Variants in CEP43 observed in about 807,000 individuals in gnomAD.
The protein encoded by CEP43 is centrosomal protein 43, also known as FGFR1 oncogene partner.
Under a neutral mutation model 52.6 loss-of-function variants are expected in CEP43, and 36 were observed. The ratio of observed to expected loss-of-function variants is 0.68; its 90% CI spans 0.52 to 0.90. The LOEUF (loss-of-function observed/expected upper bound fraction) is 0.90, where lower values mean the gene tolerates loss of function less well. Among genes scored for constraint, CEP43 ranks in the 40% least tolerant of loss-of-function variants. The pLI, the probability that CEP43 is intolerant of heterozygous loss-of-function variation, is 0.00. For missense variants in CEP43, 506 were observed against 472.8 expected (o/e 1.07, Z -0.65); for synonymous variants, 192 against 172.4 (o/e 1.11, Z -0.89).
intron 12 of CEP43, among the ~76,000 whole-genome samples, chr6:167,037,111 G>C (rs1442858397): frequency 1.3e-5 from 2 of 152,130 alleles, no homozygotes; most frequent in Non-Finnish European, 2.9e-5. Context: ...CGGCGGAAAG[G>C]CTTTATTAAA....
chr6:167,027,632 G>A (rs2128665730), intron 10 of CEP43, among the ~76,000 whole-genome samples: 1 of 152,322 alleles, frequency 6.6e-6, no homozygotes, highest in Admixed American at 6.5e-5. Context: ...CTTGGGCTTG[G>A]AGTTGGATAG....
chr6:167,012,819 G>A (rs895939153), intron 6 of CEP43, among the ~76,000 whole-genome samples: 1 of 152,140 alleles, frequency 6.6e-6, no homozygotes, highest in African/African-American at 2.4e-5. Context: ...AGAGAATAGC[G>A]TTTGTCCTAA....
intron 7 of CEP43, among the ~76,000 whole-genome samples, chr6:167,017,263 G>A (rs1780122999): frequency 6.6e-6 from 1 of 152,110 alleles, no homozygotes; most frequent in African/African-American, 2.4e-5. Flanking sequence ...CCAAAGTGCT[G>A]GGATTACAGG....
intron 8 of CEP43, among the ~76,000 whole-genome samples, chr6:167,023,575 A>T (rs556560172): frequency 3.0e-4 from 46 of 152,178 alleles, no homozygotes; most frequent in Non-Finnish European, 5.9e-4. Flanking sequence ...ATGCGTTGGG[A>T]TTGATGGAGA....
intron 11 of CEP43, 144 bp downstream of exon 11, chr6:167,032,786 T>C (rs1780499418): frequency 2.8e-6 from 2 of 710,922 alleles, no homozygotes; most frequent in South Asian, 4.0e-5. Context: ...GAAGAAAAGA[T>C]AGTTAATCCA....
intron 12 of CEP43, among the ~76,000 whole-genome samples, chr6:167,034,539 C>T (rs1472098740): frequency 6.6e-6 from 1 of 152,160 alleles, no homozygotes; most frequent in Admixed American, 6.5e-5. Context: ...CTGTCAGTAC[C>T]CACTTCAAGC....
chr6:167,044,644 C>A lies in CEP43; in HGVS notation c.*4666C>A. 1.3e-6 allele frequency: 1 copy of A among 785,476 alleles called. No individual in the cohort carries two copies. The allele number at this position is 785,476 out of a possible 1,614,324, so 48.7% of individuals were successfully genotyped here. ...TACATGTTTTTAAAAATGAATCTTG[C>A]TGCCCTTAGAAAATGAACCCCCGAA... On this transcript the variant is annotated 3_prime_UTR_variant, in exon 13 of 13. Transcript: ENST00000366847.
At position 167,042,071 on chromosome 6, in the gene CEP43, C is replaced by A; in HGVS notation, c.*2093C>A. 1 of 876,036 alleles carries A rather than the reference C, an allele frequency of 1.1e-6. No homozygotes were observed. Among genetic ancestry groups the A allele is most frequent in the Non-Finnish European group, 1.4e-6 (1 of 723,844 alleles). 54.3% of individuals were successfully genotyped at this position (876,036 alleles called of 1,614,324 possible). On this transcript the variant is annotated 3_prime_UTR_variant, in exon 13 of 13. Transcript: ENST00000366847. Reference sequence around the variant, plus strand: ...ACTCCTGACCTCGTTCCTGCCTTAGCCTCCTAAAGTGCCGGGATTACAGGC... The same window carrying A: ...ACTCCTGACCTCGTTCCTGCCTTAGACTCCTAAAGTGCCGGGATTACAGGC...
In CEP43 at chr6:167,041,026, A is replaced by G; in HGVS notation, c.*1048A>G. The G allele has an allele frequency of 2.0e-6, 2 of 1,023,082 alleles. No homozygotes were observed. The highest frequency in any genetic ancestry group is 9.4e-5 in the South Asian group (2 of 21,310). 63.4% of individuals were successfully genotyped at this position (1,023,082 alleles called of 1,614,324 possible). On this transcript the variant is annotated 3_prime_UTR_variant, in exon 13 of 13. Coordinates refer to ENST00000366847, the MANE Select transcript of CEP43 (RefSeq NM_007045.4). ...TTTAAAATGTGCAAGTAGAAAAAACAGTAGAAAGTGATGCATGCATATTTA... is the reference window on the plus strand; with the variant it reads ...TTTAAAATGTGCAAGTAGAAAAAACGGTAGAAAGTGATGCATGCATATTTA...
At position 167,029,055 on chromosome 6, in the gene CEP43, C is replaced by T. The variant is rs78956259; in HGVS notation, c.988+2440C>T. On this transcript the variant is annotated intron_variant, in intron 10 of 12. Coordinates refer to ENST00000366847, the MANE Select transcript of CEP43 (RefSeq NM_007045.4). ...TGTGGATGGCATGTACTGTCTCTCA[C>T]ATAGTCTTTGTGTGTTTTTTTGTTT... 4.9e-3 allele frequency among the ~76,000 whole-genome samples: 753 copies of T among 152,270 alleles called. 26 individuals carry two copies. The East Asian group carries it at 0.091, about 18-fold the overall frequency.
chr6:167,019,044 G>A (rs1032988888), intron 7 of CEP43, among the ~76,000 whole-genome samples: 4 of 152,204 alleles, frequency 2.6e-5, no homozygotes, highest in Non-Finnish European at 4.4e-5. Context: ...AGGCAGTGAC[G>A]TTGAGCCACG....
intron 9 of CEP43, among the ~76,000 whole-genome samples, chr6:167,025,483 C>A (rs1470788796): frequency 6.6e-6 from 1 of 152,186 alleles, no homozygotes; most frequent in Non-Finnish European, 1.5e-5. Flanking sequence ...GGCAGAGGTC[C>A]TTTGGAAACC....
chr6:167,006,038 C>T (rs1034612136), intron 5 of CEP43, among the ~76,000 whole-genome samples: 1 of 152,194 alleles, frequency 6.6e-6, no homozygotes, highest in Non-Finnish European at 1.5e-5. Flanking sequence ...AGCCTGCAGT[C>T]ACTCAGCCTC....
intron 8 of CEP43, among the ~76,000 whole-genome samples, chr6:167,023,931 T>C (rs1404050147): frequency 1.3e-5 from 2 of 152,080 alleles, no homozygotes; most frequent in Non-Finnish European, 2.9e-5. Flanking sequence ...GTTGTAAAAG[T>C]GTGCAGAGGA....
intron 7 of CEP43, among the ~76,000 whole-genome samples, chr6:167,014,659 A>C (rs1036351888): frequency 2.0e-5 from 3 of 152,248 alleles, no homozygotes; most frequent in African/African-American, 7.2e-5. Context: ...GGAGTTTCAA[A>C]GGTAAATTCC....
chr6:167,020,623 C>T (rs1408396667), intron 7 of CEP43, among the ~76,000 whole-genome samples: 3 of 152,052 alleles, frequency 2.0e-5, no homozygotes, highest in African/African-American at 7.2e-5. Flanking sequence ...TTACACGGGC[C>T]ATGTATGGTG....
In CEP43 at chr6:167,033,018, T is replaced by C. The variant is rs937837254; in HGVS notation, c.1028+376T>C. The stretch of plus-strand genomic sequence containing the variant: ...TCTCAAAATTGACCTAAAATAATTA[T>C]GCTCTCAAATTAGTTTTTTGATTCA... On this transcript the variant is annotated intron_variant, in intron 11 of 12. Transcript: ENST00000366847. Among the ~76,000 whole-genome samples the C allele has an allele frequency of 2.0e-5, 3 of 151,968 alleles. No individual in the cohort carries two copies. In the East Asian group the frequency reaches 5.8e-4, roughly 29 times the overall value.
rs1485707186 is a variant in CEP43, at chr6:167,043,646, G to C, written c.*3668G>C. The C allele has an allele frequency of 6.6e-6, 1 of 152,180 alleles. No individual in the cohort carries two copies. The highest frequency in any genetic ancestry group is 6.5e-5 in the Admixed American group (1 of 15,278). 9.4% of individuals were successfully genotyped at this position (152,180 alleles called of 1,614,324 possible). On this transcript the variant is annotated 3_prime_UTR_variant, in exon 13 of 13. Transcript: ENST00000366847. ...GATCCACCCGCCTCAGCCTCCCAAA[G>C]TGCTGGGAATACAGGTGTGAGTCAC... is the stretch of plus-strand genomic sequence containing the variant.
At chr6:167,033,401 G>A (rs997698425) in intron 11 of CEP43, among the ~76,000 whole-genome samples, 1 of 152,098 alleles carries the variant, frequency 6.6e-6, no homozygotes, top group African/African-American at 2.4e-5. Flanking sequence ...GAACCACCAT[G>A]CCCTGTCGAT....
Sources: allele counts gnomAD v4.1 joint callset (sites outside exome capture counted in the v4.1 genomes callset), GRCh38; gene constraint gnomAD v4.1.1; transcripts MANE v1.5; gene names NCBI Gene and HGNC (gene_info 2026-07-23, HGNC 2026-07-21).